The following KIAA1217 variants were observed in gnomAD, a reference collection of about 807,000 sequenced individuals.
KIAA1217 encodes sickle tail protein homolog.
KIAA1217 carries 88 observed loss-of-function variants against 163.9 expected under a neutral mutation model. The observed-to-expected ratio is 0.54, with a 90% confidence interval of 0.45 to 0.64. The LOEUF is 0.64. KIAA1217 is among the 30% of genes least tolerant of loss of function. The pLI, the probability that KIAA1217 is intolerant of heterozygous loss-of-function variation, is 0.00. For synonymous variants in KIAA1217, 903 were observed against 923.1 expected, an observed-to-expected ratio of 0.98 and a Z score of 0.39; for missense variants, 2,372 against 2,475.0, an observed-to-expected ratio of 0.96 and a Z score of 0.88.
intron 4 of KIAA1217, among the ~76,000 whole-genome samples, chr10:24,436,655 G>A (rs543299217): frequency 7.7e-4 from 116 of 149,830 alleles, no homozygotes; most frequent in African/African-American, 2.6e-3. Flanking sequence ...CTGCTGGGGA[G>A]GCTAAGGCAG....
intron 1 of KIAA1217, among the ~76,000 whole-genome samples, chr10:23,966,214 C>A (rs1007699145): frequency 6.6e-6 from 1 of 152,168 alleles, no homozygotes; most frequent in Non-Finnish European, 1.5e-5. Context: ...CCCCTGAGAT[C>A]ACGCTGACTG....
At chr10:23,988,070 C>G (rs993763977) in intron 1 of KIAA1217, among the ~76,000 whole-genome samples, 3 of 151,604 alleles carry the variant, frequency 2.0e-5, no homozygotes, top group African/African-American at 7.3e-5. Context: ...CAGCGTGGAT[C>G]CTTCTCATTC....
At chr10:24,470,608 G>A (rs1400384792) in intron 5 of KIAA1217, among the ~76,000 whole-genome samples, 3 of 152,178 alleles carry the variant, frequency 2.0e-5, no homozygotes, top group South Asian at 2.1e-4. Context: ...GGAGCTCTGT[G>A]TGTGTTTTGG....
In KIAA1217 at chr10:23,980,034, A is replaced by G. The variant is rs930824560; in HGVS notation, c.-320-27191A>G. The stretch of plus-strand genomic sequence containing the variant: ...CCTTTGGTCATTTCACGAATACCAT[A>G]TATTTTCCTCTTCCTCTCTGATGAC... On this transcript the variant is annotated intron_variant, in intron 1 of 18. Transcript: ENST00000376462. 4.7e-4 allele frequency among the ~76,000 whole-genome samples: 72 copies of G among 152,054 alleles called. 1 individual carries two copies. Among genetic ancestry groups the G allele is most frequent in the African/African-American group, 1.7e-3 (71 of 41,400 alleles).
intron 2 of KIAA1217, among the ~76,000 whole-genome samples, chr10:24,036,071 G>A (rs537248518): frequency 6.6e-6 from 1 of 152,316 alleles, no homozygotes; most frequent in East Asian, 1.9e-4. Context: ...TGCAGGCTGT[G>A]GCCTCGAACC....
intron 2 of KIAA1217, among the ~76,000 whole-genome samples, chr10:24,220,754 CTTTTTTTTTTTTTT>C (rs58991505): frequency 1.3e-5 from 1 of 74,204 alleles, no homozygotes; most frequent in Non-Finnish European, 2.4e-5. Context: ...GCACCCCGGC[CTTTTTTTTTTTTTT>C]TTTTTTTTTG....
At position 23,954,982 on chromosome 10, in the gene KIAA1217, C is replaced by T. The variant is rs540812106; in HGVS notation, c.-320-52243C>T. Among the ~76,000 whole-genome samples, 32 of 152,130 alleles carry T rather than the reference C, an allele frequency of 2.1e-4. No homozygotes were observed. The South Asian group carries it at 6.4e-3, about 31-fold the overall frequency. ...TGGTATCTAGATTAAGTTACTTAGT[C>T]CAGTTTATCTATCTGTAAAAGGAAG... is the stretch of plus-strand genomic sequence containing the variant. On this transcript the variant is annotated intron_variant, in intron 1 of 18. Transcript: ENST00000376462.
Position 24,517,384 on chromosome 10 carries a change from G to C in KIAA1217, c.2178-2739G>C, listed in dbSNP as rs547681568. On this transcript the variant is annotated intron_variant, in intron 10 of 20. Coordinates refer to ENST00000376454, the MANE Select transcript of KIAA1217 (RefSeq NM_019590.5). ...CATGAAGAAAAGACAAATATTTAAG[G>C]TGACGGATATCCCAAGTACACTGAT... 9.9e-5 allele frequency among the ~76,000 whole-genome samples: 15 copies of C among 152,186 alleles called. 1 individual carries two copies. Among genetic ancestry groups the C allele is most frequent in the African/African-American group, 3.4e-4 (14 of 41,526 alleles).
intron 1 of KIAA1217, among the ~76,000 whole-genome samples, chr10:23,859,119 T>C (rs1839840935): frequency 1.3e-5 from 2 of 152,246 alleles, no homozygotes; most frequent in South Asian, 4.1e-4. Context: ...AACCCATATA[T>C]GTATATGTCT....
chr10:23,824,658 A>AATATATATATATATATAT (rs1199680251), intron 1 of KIAA1217, among the ~76,000 whole-genome samples: 1 of 53,040 alleles, frequency 1.9e-5, no homozygotes, highest in African/African-American at 6.5e-5. Flanking sequence ...AAATAAAAAA[A>AATATATATATATATATAT]ATATATATAT....
chr10:24,014,219 A>G (rs1847375103), intron 2 of KIAA1217, among the ~76,000 whole-genome samples: 1 of 152,170 alleles, frequency 6.6e-6, no homozygotes, highest in Admixed American at 6.6e-5. Context: ...ATGTGTTTTT[A>G]AATAAAGGGT....
chr10:24,267,297 G>A (rs1039704249), intron 2 of KIAA1217, among the ~76,000 whole-genome samples: 17 of 152,190 alleles, frequency 1.1e-4, no homozygotes, highest in African/African-American at 3.9e-4. Flanking sequence ...CAAGGAGTCT[G>A]TTGGCAGAGA....
At chr10:24,438,321 G>C (rs1195582030) in intron 4 of KIAA1217, 65 bp from the exon 5 acceptor site, 2 of 1,095,622 alleles carry the variant, frequency 1.8e-6, no homozygotes, top group Admixed American at 1.7e-5. Flanking sequence ...TTAAGGGCAG[G>C]CTAAGGAAAT....
intron 5 of KIAA1217, among the ~76,000 whole-genome samples, chr10:24,442,226 T>C (rs2060555607): frequency 6.6e-6 from 1 of 152,190 alleles, no homozygotes; most frequent in South Asian, 2.1e-4. Flanking sequence ...TATAAATCAT[T>C]GGTCTCCATG....
At chr10:23,812,032 CTG>C (rs1473052966) in intron 1 of KIAA1217, among the ~76,000 whole-genome samples, 4 of 152,062 alleles carry the variant, frequency 2.6e-5, no homozygotes, top group Non-Finnish European at 5.9e-5. Flanking sequence ...CTGCAGTGAG[CTG>C]TGTTTGTGTC....
At chr10:23,748,948 T>C (rs982794254) in intron 1 of KIAA1217, among the ~76,000 whole-genome samples, 2 of 152,186 alleles carry the variant, frequency 1.3e-5, no homozygotes, top group African/African-American at 4.8e-5. Context: ...ACTTCCTCAA[T>C]ACTAGTGAAC....
intron 1 of KIAA1217, among the ~76,000 whole-genome samples, chr10:23,748,252 T>A (rs1286960772): frequency 6.6e-6 from 1 of 152,086 alleles, no homozygotes; most frequent in Non-Finnish European, 1.5e-5. Flanking sequence ...TTCATCCTCC[T>A]CTTTAGTAGA....
intron 6 of KIAA1217, among the ~76,000 whole-genome samples, chr10:24,478,680 T>A (rs2064306800): frequency 6.6e-6 from 1 of 152,228 alleles, no homozygotes; most frequent in South Asian, 2.1e-4. Context: ...AGACCATGTG[T>A]GACAAATGGC....
chr10:24,520,627 C>CAAAAA (rs71472812), intron 11 of KIAA1217, among the ~76,000 whole-genome samples: 2 of 44,930 alleles, frequency 4.5e-5, no homozygotes, highest in African/African-American at 2.6e-4. Context: ...ACATCTCTAC[C>CAAAAA]AAAAAAAAAA....
Sources: allele counts gnomAD v4.1 joint callset (sites outside exome capture counted in the v4.1 genomes callset), GRCh38; gene constraint gnomAD v4.1.1; transcripts MANE v1.5; gene names NCBI Gene and HGNC (gene_info 2026-07-23, HGNC 2026-07-21).